CSF2RA: variants seen among roughly 807,000 people sequenced by gnomAD.
The protein encoded by CSF2RA is granulocyte-macrophage colony-stimulating factor receptor subunit alpha.
Under a neutral mutation model 51.6 loss-of-function variants are expected in CSF2RA, and 42 were observed. The observed-to-expected ratio is 0.81, with a 90% CI of 0.64 to 1.05. The LOEUF is 1.05. Ranked by LOEUF, CSF2RA falls within the 50% of genes least tolerant of loss-of-function variation. The probability of loss-of-function intolerance (pLI) is 0.00; values close to 1 mark genes in which losing one functional copy is unlikely to be tolerated. For missense variants in CSF2RA, 530 were observed against 501.1 expected (o/e 1.06, Z -0.55); for synonymous variants, 222 against 193.0 (o/e 1.15, Z -1.24).
At chrX:1,306,860 G>A (rs1262622304) in intron 12 of CSF2RA, among the ~76,000 whole-genome samples, 2 of 145,680 alleles carry the variant, frequency 1.4e-5, no homozygotes, top group East Asian at 2.0e-4. Flanking sequence ...GACACAGAGA[G>A]GGGAGAGAGA....
intron 2 of CSF2RA, among the ~76,000 whole-genome samples, chrX:1,277,454 G>A (rs1248814968): frequency 6.6e-6 from 1 of 150,602 alleles, no homozygotes; most frequent in East Asian, 2.0e-4. Flanking sequence ...AAATTAGCCA[G>A]GTGTGGTGGT....
intron 1 of CSF2RA, among the ~76,000 whole-genome samples, chrX:1,272,372 A>T (rs1420528512): frequency 8.8e-6 from 1 of 113,492 alleles, no homozygotes; most frequent in Non-Finnish European, 1.9e-5. Context: ...AGGGGATTGG[A>T]TCCTGGTACA....
intron 2 of CSF2RA, among the ~76,000 whole-genome samples, chrX:1,279,822 C>G (rs192278257): frequency 6.6e-6 from 1 of 151,884 alleles, no homozygotes; most frequent in Non-Finnish European, 1.5e-5. Context: ...CAGAGTCTCC[C>G]TCTGTCACCC....
rs769754193 is a variant in CSF2RA, at chrX:1,306,818, C to T, written c.1125+1291C>T. On this transcript the variant is annotated intron_variant, in intron 12 of 12. Coordinates refer to ENST00000381529, the MANE Select transcript of CSF2RA (RefSeq NM_172245.4). Reference sequence around the variant, plus strand: ...AGAGACAGGGACAAAGAGAAAAAGACGGACAGAGAGAGAAACAGAGAGACA... The same window carrying T: ...AGAGACAGGGACAAAGAGAAAAAGATGGACAGAGAGAGAAACAGAGAGACA... Among the ~76,000 whole-genome samples, 6 of 145,908 alleles carry T rather than the reference C, an allele frequency of 4.1e-5. No individual in the cohort carries two copies. In the South Asian group the frequency reaches 6.7e-4, roughly 16 times the overall value.
Position 1,290,459 on chromosome X carries a change from G to C in CSF2RA, c.596G>C (p.Arg199Pro), listed in dbSNP as rs144461826. Residue 199 changes from arginine (R) to proline (P), a missense_variant, in exon 7 of 13, where the codon CGA becomes CCA. Arg to Pro is a moderately radical substitution (Grantham distance 103, BLOSUM62 -2). Coordinates refer to ENST00000381529, the MANE Select transcript of CSF2RA (RefSeq NM_172245.4). ...TACTTTCTGGTTAACGGAACCAGCC[G>C]AGAAATTGGCATCCAATTCTTTGAT... ...RNYFLVNGTS[R>P]EIGIQFFDSL... 6.2e-7 allele frequency: 1 copy of C among 1,613,864 alleles called. No homozygotes were observed. The highest frequency in any genetic ancestry group is 8.5e-7 in the Non-Finnish European group (1 of 1,179,830).
At chrX:1,289,506 G>A (rs1309239180) in intron 6 of CSF2RA, among the ~76,000 whole-genome samples, 2 of 151,650 alleles carry the variant, frequency 1.3e-5, no homozygotes, top group African/African-American at 4.8e-5. Flanking sequence ...GTGTTTTTGT[G>A]TTCTTGTTTT....
chrX:1,281,198 T>C (rs1297103022), intron 2 of CSF2RA, among the ~76,000 whole-genome samples: 9 of 72,048 alleles, frequency 1.2e-4, no homozygotes, highest in South Asian at 6.6e-4. Flanking sequence ...TTCTCCTCCT[T>C]CTCCTACTCC....
chrX:1,294,400 C>A lies in CSF2RA; in HGVS notation c.719C>A (p.Pro240His). Residue 240 changes from proline to histidine, a missense_variant, in exon 8 of 13, where the codon CCC becomes CAC. Physicochemically the swap from Pro to His is moderately conservative, Grantham distance 77. Transcript: ENST00000381529. ...TTHCLVRWKQPRTYQKLSYLD... is the reference protein window; with the variant it reads ...TTHCLVRWKQHRTYQKLSYLD... ...CACTGCCTCGTACGGTGGAAACAGC[C>A]CAGGACCTATCAGAAGCTGTCGTAC... The A allele has an allele frequency of 6.2e-7, 1 of 1,613,948 alleles. No individual in the cohort carries two copies.
the CSF2RA span, among the ~76,000 whole-genome samples, chrX:1,324,439 G>A: frequency 5.1e-5 from 4 of 78,960 alleles, no homozygotes; most frequent in South Asian, 4.2e-4. Flanking sequence ...AAGAGAGAGA[G>A]AAAAAAGAAA....
intron 10 of CSF2RA, chrX:1,303,270 C>CT (rs1344936496): frequency 2.7e-6 from 1 of 372,542 alleles, no homozygotes; most frequent in Non-Finnish European, 4.7e-6. Context: ...GGGTCTCACT[C>CT]TGTCACCCAG....
At chrX:1,282,438 GA>G in intron 2 of CSF2RA, 1 of 592,634 alleles carries the variant, frequency 1.7e-6, no homozygotes, top group Non-Finnish European at 3.0e-6. Flanking sequence ...ATGAACCATG[GA>G]AGCTTGACTC....
At chrX:1,315,625 G>A in the CSF2RA span, among the ~76,000 whole-genome samples, 28 of 152,076 alleles carry the variant, frequency 1.8e-4, no homozygotes, top group Middle Eastern at 6.8e-3. Flanking sequence ...GGCTGGTCTC[G>A]AACTCCTGAC....
intron 2 of CSF2RA, among the ~76,000 whole-genome samples, chrX:1,279,177 C>T (rs1258852022): frequency 6.7e-6 from 1 of 149,720 alleles, no homozygotes; most frequent in Non-Finnish European, 1.5e-5. Flanking sequence ...ATGGTGAAAC[C>T]CCGTCTCTAC....
At position 1,294,033 on chromosome X, in the gene CSF2RA, A is replaced by C. The variant is rs1569505026; in HGVS notation, c.647-295A>C. The C allele has an allele frequency of 9.6e-6, 2 of 208,936 alleles. 1 individual carries two copies. Among genetic ancestry groups the C allele is most frequent in the East Asian group, 1.5e-4 (2 of 13,060 alleles). 12.9% of individuals were successfully genotyped at this position (208,936 alleles called of 1,614,324 possible). A position where few individuals can be genotyped will look rare whatever the true frequency, so the allele number is the denominator to read the frequency against. ...ACCTCCACCTGGACCCAGTGTAGAC[A>C]GGAGAAGACTGCACCACCTCCACCT... On this transcript the variant is annotated intron_variant, in intron 7 of 12. Coordinates refer to ENST00000381529, the MANE Select transcript of CSF2RA (RefSeq NM_172245.4).
intron 2 of CSF2RA, among the ~76,000 whole-genome samples, chrX:1,280,968 C>CTCCTCG (rs2089906913): frequency 7.4e-6 from 1 of 135,136 alleles, no homozygotes; most frequent in African/African-American, 2.8e-5. Flanking sequence ...CCTCCTTCTC[C>CTCCTCG]TCCTCCTGCT....
intron 7 of CSF2RA, among the ~76,000 whole-genome samples, chrX:1,292,052 C>T (rs1242142740): frequency 2.0e-5 from 3 of 149,792 alleles, no homozygotes; most frequent in African/African-American, 7.4e-5. Context: ...GAGGAGACTG[C>T]ACCACCTCCA....
At chrX:1,321,595 G>T in the CSF2RA span, among the ~76,000 whole-genome samples, 1 of 150,376 alleles carries the variant, frequency 6.6e-6, no homozygotes, top group African/African-American at 2.5e-5. Flanking sequence ...AAAAAGAAAC[G>T]CAGACAGCAT....
chrX:1,283,820 C>G (rs1303009534), intron 3 of CSF2RA, among the ~76,000 whole-genome samples: 1 of 151,926 alleles, frequency 6.6e-6, no homozygotes, highest in Non-Finnish European at 1.5e-5. Flanking sequence ...TCCCGTGCCT[C>G]GGCCTCCCAA....
chrX:1,323,065 G>C, the CSF2RA span, among the ~76,000 whole-genome samples: 962 of 151,892 alleles, frequency 6.3e-3, 11 homozygotes, highest in African/African-American at 0.021. Flanking sequence ...GGAGGTGGAG[G>C]TTGCAGTGAG....
Sources: allele counts gnomAD v4.1 joint callset (sites outside exome capture counted in the v4.1 genomes callset), GRCh38; gene constraint gnomAD v4.1.1; transcripts MANE v1.5; gene names NCBI Gene and HGNC (gene_info 2026-07-23, HGNC 2026-07-21).